SLC9A9: variants seen among roughly 807,000 people sequenced by gnomAD.
SLC9A9 encodes sodium/hydrogen exchanger 9.
SLC9A9 carries 62 observed loss-of-function variants against 77.8 expected under a neutral mutation model. That is an observed-to-expected ratio of 0.80 (90% CI 0.65 to 0.98). The LOEUF (loss-of-function observed/expected upper bound fraction) is 0.98, where lower values mean the gene tolerates loss of function less well. SLC9A9 is among the 50% of genes least tolerant of loss of function. The probability of loss-of-function intolerance (pLI) is 0.00; values close to 1 mark genes in which losing one functional copy is unlikely to be tolerated. For synonymous variants in SLC9A9, 320 were observed against 283.5 expected (o/e 1.13, Z -1.29); for missense variants, 775 against 774.9 (o/e 1.00, Z 0.00).
chr3:143,444,396 C>A (rs1301813107), intron 12 of SLC9A9, among the ~76,000 whole-genome samples: 2 of 152,186 alleles, frequency 1.3e-5, no homozygotes, highest in African/African-American at 4.8e-5. Context: ...GAAGCCCAGG[C>A]AGATGCAACC....
chr3:143,448,743 TCA>T (rs1441962203), intron 12 of SLC9A9, among the ~76,000 whole-genome samples: 1 of 148,540 alleles, frequency 6.7e-6, no homozygotes, highest in African/African-American at 2.5e-5. Context: ...AATAAAATAA[TCA>T]CAGTATCATT....
At chr3:143,372,081 G>A (rs2033071762) in intron 13 of SLC9A9, 2 of 319,424 alleles carry the variant, frequency 6.3e-6, no homozygotes, top group Non-Finnish European at 6.2e-6. Flanking sequence ...CCAAATAAAT[G>A]GAAACATATC....
rs184598184 is a variant in SLC9A9, at chr3:143,811,661, C to A, written c.379-14758G>T. On this transcript the variant is annotated intron_variant, in intron 2 of 15. Coordinates refer to ENST00000316549, the MANE Select transcript of SLC9A9 (RefSeq NM_173653.4). ...AGGAGTTTGAGACCAGCCCAGCCAACATGGCAAAAAATGGTCTCCAGTTAA... is the reference window on the plus strand; with the variant it reads ...AGGAGTTTGAGACCAGCCCAGCCAAAATGGCAAAAAATGGTCTCCAGTTAA... 2.1e-3 allele frequency: 967 copies of A among 453,766 alleles called. 5 individuals carry two copies. Among genetic ancestry groups the A allele is most frequent in the Non-Finnish European group, 3.0e-3 (670 of 226,506 alleles). The allele number at this position is 453,766 out of a possible 1,614,324, so 28.1% of individuals were successfully genotyped here.
intron 12 of SLC9A9, among the ~76,000 whole-genome samples, chr3:143,452,181 A>T (rs2035018714): frequency 6.6e-6 from 1 of 152,118 alleles, no homozygotes; most frequent in Non-Finnish European, 1.5e-5. Context: ...AAAACTAATT[A>T]CAAAGGTAAA....
At chr3:143,793,936 C>A (rs1161483842) in intron 4 of SLC9A9, among the ~76,000 whole-genome samples, 1 of 152,202 alleles carries the variant, frequency 6.6e-6, no homozygotes, top group African/African-American at 2.4e-5. Flanking sequence ...CTTAATGGGG[C>A]TCCCTAATCT....
intron 5 of SLC9A9, among the ~76,000 whole-genome samples, chr3:143,678,164 C>T (rs1932946293): frequency 6.6e-6 from 1 of 152,136 alleles, no homozygotes; most frequent in Non-Finnish European, 1.5e-5. Flanking sequence ...CCGTTACTTA[C>T]TTCCAGATTG....
At position 143,738,576 on chromosome 3, in the gene SLC9A9, C is replaced by T. The variant is rs564642245; in HGVS notation, c.534-45269G>A. ...GTTCTCTGAATACCAACCAGGTATCCAACAATTAAATTCAATTCTGGTACT... is the reference window on the plus strand; with the variant it reads ...GTTCTCTGAATACCAACCAGGTATCTAACAATTAAATTCAATTCTGGTACT... On this transcript the variant is annotated intron_variant, in intron 4 of 15. Transcript: ENST00000316549. Among the ~76,000 whole-genome samples, 7 of 152,132 alleles carry T rather than the reference C, an allele frequency of 4.6e-5. 1 individual carries two copies. In the South Asian group the frequency reaches 1.5e-3, roughly 32 times the overall value.
chr3:143,320,264 TTGAG>T (rs1264611829), intron 14 of SLC9A9, among the ~76,000 whole-genome samples: 1 of 152,226 alleles, frequency 6.6e-6, no homozygotes, highest in African/African-American at 2.4e-5. Flanking sequence ...TGAATACTGT[TTGAG>T]TGAATTACTG....
At position 143,693,236 on chromosome 3, in the gene SLC9A9, G is replaced by A. The variant is rs1448541254; in HGVS notation, c.605C>T (p.Thr202Ile). The A allele has an allele frequency of 3.1e-6, 5 of 1,613,234 alleles. No homozygotes were observed. The highest frequency in any genetic ancestry group is 2.7e-5 in the African/African-American group (2 of 74,864). ...GQLKNGDFHFTDCLFFGSLMS... is the reference protein window; with the variant it reads ...GQLKNGDFHFIDCLFFGSLMS... ...CAGTGAACCAAAAAATAAACAGTCA[G>A]TGAAATGAAAGTCTCCATTTTTCAG... Residue 202 changes from threonine to isoleucine, a missense_variant, in exon 5 of 16, where the codon ACT becomes ATT. Physicochemically the swap from Thr to Ile is moderately conservative, Grantham distance 89. Transcript: ENST00000316549.
intron 12 of SLC9A9, among the ~76,000 whole-genome samples, chr3:143,396,789 A>G (rs1232144241): frequency 2.0e-5 from 3 of 151,960 alleles, no homozygotes; most frequent in African/African-American, 7.3e-5. Flanking sequence ...CTCACCTGTG[A>G]TTTTTCTTGT....
chr3:143,819,084 A>G (rs912967764), intron 2 of SLC9A9, among the ~76,000 whole-genome samples: 2 of 152,132 alleles, frequency 1.3e-5, no homozygotes, highest in Non-Finnish European at 2.9e-5. Context: ...CTCTGTCTCA[A>G]AAAAAAGGAG....
chr3:143,389,949 C>G lies in SLC9A9; in HGVS notation c.1470-7835G>C, dbSNP rs75095503. On this transcript the variant is annotated intron_variant, in intron 12 of 15. Coordinates refer to ENST00000316549, the MANE Select transcript of SLC9A9 (RefSeq NM_173653.4). Reference sequence around the variant, plus strand: ...ATTGTAAGCCCCTCCATGGGAGATGCAGATGCAGAGCTGGGATGCTGCTGA... The same window carrying G: ...ATTGTAAGCCCCTCCATGGGAGATGGAGATGCAGAGCTGGGATGCTGCTGA... Among the ~76,000 whole-genome samples, 648 of 152,312 alleles carry G rather than the reference C, an allele frequency of 4.3e-3. 4 individuals are homozygous for G. The highest frequency in any genetic ancestry group is 0.015 in the African/African-American group (617 of 41,566).
intron 4 of SLC9A9, among the ~76,000 whole-genome samples, chr3:143,742,981 T>C (rs1935109478): frequency 6.6e-6 from 1 of 152,188 alleles, no homozygotes; most frequent in Admixed American, 6.5e-5. Flanking sequence ...GCCTTGTTCC[T>C]AGAAGGTCCT....
intron 6 of SLC9A9, among the ~76,000 whole-genome samples, chr3:143,617,000 G>A (rs2038117179): frequency 6.6e-6 from 1 of 152,132 alleles, no homozygotes; most frequent in Non-Finnish European, 1.5e-5. Context: ...TGCTCAGGAT[G>A]AAATGGGAGC....
At chr3:143,490,613 A>G (rs551354644) in intron 11 of SLC9A9, among the ~76,000 whole-genome samples, 110 of 152,338 alleles carry the variant, frequency 7.2e-4, no homozygotes, top group African/African-American at 2.6e-3. Flanking sequence ...CACATTTCGA[A>G]TGTATTTAAT....
chr3:143,481,262 CAG>C (rs1367672999), intron 11 of SLC9A9, among the ~76,000 whole-genome samples: 1 of 152,094 alleles, frequency 6.6e-6, no homozygotes, highest in African/African-American at 2.4e-5. Context: ...GCTATGGAAA[CAG>C]ATGAGAATGA....
chr3:143,431,120 T>C (rs2034504891), intron 12 of SLC9A9, among the ~76,000 whole-genome samples: 1 of 135,374 alleles, frequency 7.4e-6, no homozygotes, highest in Non-Finnish European at 1.6e-5. Flanking sequence ...GTCCTGGTGG[T>C]ACTCAAGGCC....
At chr3:143,582,021 G>A (rs1257000441) in intron 6 of SLC9A9, among the ~76,000 whole-genome samples, 1 of 152,190 alleles carries the variant, frequency 6.6e-6, no homozygotes, top group Non-Finnish European at 1.5e-5. Flanking sequence ...GGGACAACTG[G>A]AAAGGAGAAA....
At chr3:143,466,942 C>T (rs1309497297) in intron 12 of SLC9A9, 95 bp downstream of exon 12, 2 of 1,471,552 alleles carry the variant, frequency 1.4e-6, no homozygotes, top group African/African-American at 2.8e-5. Context: ...AGGGTAGGAC[C>T]TGCCACTGTA....
Sources: gnomAD v4.1 joint callset for allele counts (sites outside exome capture counted in the v4.1 genomes callset) on GRCh38, gnomAD v4.1.1 for gene constraint, MANE v1.5 for transcripts, NCBI Gene and HGNC (gene_info 2026-07-23, HGNC 2026-07-21) for gene names.